Variants in A2ML1 observed in about 807,000 individuals in gnomAD.
A2ML1 encodes alpha-2-macroglobulin like 1.
A neutral mutation model predicts 181.9 loss-of-function variants in A2ML1; 161 were observed. The ratio of observed to expected loss-of-function variants is 0.89; its 90% CI spans 0.78 to 1.01. The LOEUF (loss-of-function observed/expected upper bound fraction) is 1.01. Among genes scored for constraint, A2ML1 ranks in the 50% least tolerant of loss-of-function variants. A2ML1 has a pLI of 0.00. For synonymous variants in A2ML1, 663 were observed against 666.8 expected (o/e 0.99, Z 0.09); for missense variants, 1,670 against 1,768.1 (o/e 0.94, Z 1.00).
chr12:8,859,286 T>G (rs895956143), intron 26 of A2ML1, among the ~76,000 whole-genome samples: 11 of 151,316 alleles, frequency 7.3e-5, no homozygotes, highest in African/African-American at 2.5e-4. Flanking sequence ...TTAAAAATCT[T>G]GAGTGTTAAA....
intron 5 of A2ML1, 149 bp from the exon 6 acceptor site, chr12:8,835,358 C>T: frequency 1.2e-6 from 1 of 810,598 alleles, no homozygotes; most frequent in Non-Finnish European, 2.0e-6. Flanking sequence ...ATAAATAACA[C>T]AGGGAGCTGC....
chr12:8,858,661 T>A (rs1944155721), intron 26 of A2ML1, among the ~76,000 whole-genome samples: 1 of 152,122 alleles, frequency 6.6e-6, no homozygotes, highest in African/African-American at 2.4e-5. Flanking sequence ...TGGCATCACA[T>A]GGGAACTTGT....
intron 3 of A2ML1, among the ~76,000 whole-genome samples, chr12:8,828,987 G>C (rs759307300): frequency 6.6e-6 from 1 of 152,196 alleles, no homozygotes; most frequent in Non-Finnish European, 1.5e-5. Context: ...CAAGCTCATC[G>C]ATTCTGTCTC....
chr12:8,861,022 A>G lies in A2ML1; in HGVS notation c.3339+67A>G, dbSNP rs1944241882. The G allele has an allele frequency of 5.6e-6, 9 of 1,605,420 alleles. No individual in the cohort carries two copies. The East Asian group carries it at 1.6e-4, about 28-fold the overall frequency. Reference sequence around the variant, plus strand: ...TGCGTATTCCTAGAGACATTCACCCATCTTTGTCTCTAGTCACCCTTTTAA... The same window carrying G: ...TGCGTATTCCTAGAGACATTCACCCGTCTTTGTCTCTAGTCACCCTTTTAA... On this transcript the variant is annotated intron_variant, in intron 27 of 35. Transcript: ENST00000299698.
intron 5 of A2ML1, chr12:8,834,929 T>G: frequency 5.7e-6 from 3 of 525,220 alleles, no homozygotes; most frequent in Non-Finnish European, 6.7e-6. Context: ...CGCTCTCTCA[T>G]TCCCCTAACT....
downstream of A2ML1, among the ~76,000 whole-genome samples, chr12:8,880,083 G>A (rs1371624630): frequency 1.3e-5 from 2 of 152,214 alleles, no homozygotes; most frequent in Non-Finnish European, 2.9e-5. Flanking sequence ...GCTACGGAAG[G>A]CCAGGTGTGG....
chr12:8,844,359 C>T (rs1943595793), intron 12 of A2ML1, among the ~76,000 whole-genome samples: 1 of 151,590 alleles, frequency 6.6e-6, no homozygotes, highest in African/African-American at 2.4e-5. Context: ...ACCTTGGCCT[C>T]CCAAAGTGCT....
intron 20 of A2ML1, 35 bp from the exon 21 acceptor site, chr12:8,854,093 A>ATAGG: frequency 6.6e-7 from 1 of 1,519,670 alleles, no homozygotes; most frequent in Non-Finnish European, 8.8e-7. Flanking sequence ...ACCTCTGGCA[A>ATAGG]TAGGGCTAAT....
At chr12:8,868,708 T>A in intron 32 of A2ML1, 81 bp downstream of exon 32, 1 of 1,086,490 alleles carries the variant, frequency 9.2e-7, no homozygotes, top group Non-Finnish European at 1.3e-6. Context: ...AAAATGGGCA[T>A]CATGGCGTGT....
At position 8,836,275 on chromosome 12, in the gene A2ML1, G is replaced by A; in HGVS notation, c.664G>A (p.Glu222Lys). Residue 222 changes from glutamate (E) to lysine (K), a missense_variant, in exon 7 of 36, where the codon GAA becomes AAA. Glu to Lys is a moderately conservative substitution (Grantham distance 56). Coordinates refer to ENST00000299698, the MANE Select transcript of A2ML1 (RefSeq NM_144670.6). ...EEYVLPKFKV[E>K]VVEPKELSTV... ...TTCAGTGCTGCCGAAGTTTAAGGTG[G>A]AAGTGGTGGAACCCAAGGAGTTATC... 1 of 1,614,074 alleles carries A rather than the reference G, an allele frequency of 6.2e-7. No homozygotes were observed. Among genetic ancestry groups the A allele is most frequent in the Non-Finnish European group, 8.5e-7 (1 of 1,180,004 alleles).
In A2ML1 at chr12:8,837,509, G is replaced by A. The variant is rs1352276762; in HGVS notation, c.798G>A (p.Trp266Ter). 5.0e-6 allele frequency: 8 copies of A among 1,614,056 alleles called. No individual in the cohort carries two copies. Among genetic ancestry groups the A allele is most frequent in the Non-Finnish European group, 6.8e-6 (8 of 1,179,966 alleles). The stretch of plus-strand genomic sequence containing the variant: ...TGTGTCAGAAGGCAAATACTTACTG[G>A]TATCGAGAGGTGGAACGGGAACAGC... ...VSVCQKANTY[W>*]YREVEREQLP... is the part of the protein sequence containing the mutation. The change falls in exon 8 of 36, where the codon TGG (tryptophan) becomes TGA (stop). Residue 266 changes from tryptophan (W) to a stop codon, truncating the protein, a stop_gained. Coordinates refer to ENST00000299698, the MANE Select transcript of A2ML1 (RefSeq NM_144670.6). LOFTEE classifies it high-confidence loss of function.
At chr12:8,867,702 T>G (rs1592154851) in intron 29 of A2ML1, 140 bp from the exon 30 acceptor site, 1 of 643,174 alleles carries the variant, frequency 1.6e-6, no homozygotes, top group South Asian at 2.3e-5. Context: ...CCAGAGGAGG[T>G]GGGTATAGTT....
downstream of A2ML1, among the ~76,000 whole-genome samples, chr12:8,880,313 C>T (rs115642078): frequency 1.6e-4 from 24 of 152,000 alleles, no homozygotes; most frequent in African/African-American, 3.1e-4. Flanking sequence ...TTGCAGTGAG[C>T]GGAGATTGTA....
At chr12:8,849,562 C>A in intron 16 of A2ML1, 107 bp from the exon 17 acceptor site, 2 of 943,834 alleles carry the variant, frequency 2.1e-6, no homozygotes, top group Non-Finnish European at 3.3e-6. Context: ...ACCATTAATT[C>A]AAAAAGAATG....
intron 21 of A2ML1, 118 bp from the exon 22 acceptor site, chr12:8,854,662 C>A: frequency 9.5e-7 from 1 of 1,053,676 alleles, no homozygotes. Context: ...AAGCTCTTGT[C>A]TGCAGTTCTG....
At chr12:8,829,931 G>A (rs1405832706) in intron 4 of A2ML1, 152 bp downstream of exon 4, 10 of 797,840 alleles carry the variant, frequency 1.3e-5, no homozygotes, top group Non-Finnish European at 2.0e-5. Context: ...AGTGCTGGGC[G>A]AGCTTCAGGG....
At chr12:8,851,442 G>A (rs1350643035) in intron 18 of A2ML1, among the ~76,000 whole-genome samples, 1 of 151,108 alleles carries the variant, frequency 6.6e-6, no homozygotes, top group African/African-American at 2.4e-5. Flanking sequence ...GTCTTGCCCT[G>A]TCACCCAGGC....
chr12:8,863,734 G>A, intron 28 of A2ML1, 60 bp from the exon 29 acceptor site: 5 of 1,542,646 alleles, frequency 3.2e-6, no homozygotes, highest in Non-Finnish European at 4.5e-6. Flanking sequence ...CATTTACAAA[G>A]TGAATGTGGG....
intron 7 of A2ML1, among the ~76,000 whole-genome samples, chr12:8,885,255 A>G (rs1031415375): frequency 6.6e-6 from 1 of 152,098 alleles, no homozygotes; most frequent in African/African-American, 2.4e-5. Flanking sequence ...TATTCTATTT[A>G]AGAATCTTGC....
Sources: gnomAD v4.1 joint callset for allele counts (sites outside exome capture counted in the v4.1 genomes callset) on GRCh38, gnomAD v4.1.1 for gene constraint, MANE v1.5 for transcripts, NCBI Gene and HGNC (gene_info 2026-07-23, HGNC 2026-07-21) for gene names.